The following GULP1 variants were observed in gnomAD, a reference collection of about 807,000 sequenced individuals.
GULP1 encodes GULP PTB domain containing engulfment adaptor 1, also known as PTB domain-containing engulfment adapter protein 1.
A neutral mutation model predicts 40.9 loss-of-function variants in GULP1; 19 were observed. That is an observed-to-expected ratio of 0.46 (90% CI 0.32 to 0.68). The LOEUF is 0.68. Ranked by LOEUF, GULP1 falls within the 30% of genes least tolerant of loss-of-function variation. The probability of loss-of-function intolerance (pLI) is 0.03; values close to 1 mark genes in which losing one functional copy is unlikely to be tolerated. For synonymous variants in GULP1, 119 were observed against 117.6 expected (o/e 1.01, Z -0.08); for missense variants, 312 against 362.2 (o/e 0.86, Z 1.12).
At chr2:188,319,167 A>G (rs1488585332) in intron 1 of GULP1, among the ~76,000 whole-genome samples, 1 of 152,208 alleles carries the variant, frequency 6.6e-6, no homozygotes, top group Non-Finnish European at 1.5e-5. Flanking sequence ...AAATGTTAAT[A>G]AGCTATAGCA....
At chr2:188,401,252 CTA>C (rs1235440926) in intron 2 of GULP1, among the ~76,000 whole-genome samples, 1 of 151,792 alleles carries the variant, frequency 6.6e-6, no homozygotes, top group Non-Finnish European at 1.5e-5. Flanking sequence ...TATGAAATAA[CTA>C]TTATAAAAAG....
At chr2:188,542,676 C>CACAAA (rs1690850453) in intron 7 of GULP1, among the ~76,000 whole-genome samples, 1 of 151,806 alleles carries the variant, frequency 6.6e-6, no homozygotes, top group Non-Finnish European at 1.5e-5. Flanking sequence ...CACAATAAGA[C>CACAAA]ATTTTATATA....
intron 2 of GULP1, among the ~76,000 whole-genome samples, chr2:188,421,275 G>A (rs751176560): frequency 7.9e-4 from 120 of 151,936 alleles, no homozygotes; most frequent in Non-Finnish European, 1.3e-3. Flanking sequence ...TTTCAAATTC[G>A]TCAACAATAA....
At chr2:188,343,741 T>TTCA (rs2043265590) in intron 1 of GULP1, among the ~76,000 whole-genome samples, 1 of 152,232 alleles carries the variant, frequency 6.6e-6, no homozygotes, top group Non-Finnish European at 1.5e-5. Flanking sequence ...GGGACACCTA[T>TTCA]ACTGTGATCT....
chr2:188,568,181 G>A lies in GULP1; in HGVS notation c.400-1058G>A, dbSNP rs544741492. 3.6e-3 allele frequency among the ~76,000 whole-genome samples: 547 copies of A among 152,080 alleles called. 5 individuals are homozygous for A. The highest frequency in any genetic ancestry group is 0.013 in the African/African-American group (524 of 41,526). On this transcript the variant is annotated intron_variant, in intron 7 of 11. Transcript: ENST00000409830. ...TAAATGATATAAGATGATTAACAAA[G>A]CATGTTTTCATTTTATGTTGATCAC...
intron 9 of GULP1, 46 bp downstream of exon 9, chr2:188,570,166 A>G (rs753123839): frequency 2.1e-5 from 17 of 794,014 alleles, no homozygotes; most frequent in Non-Finnish European, 2.6e-5. Context: ...ATGGTGATAA[A>G]ACATCTGTGT....
At chr2:188,388,821 G>A (rs2050137659) in intron 2 of GULP1, among the ~76,000 whole-genome samples, 1 of 152,138 alleles carries the variant, frequency 6.6e-6, no homozygotes, top group South Asian at 2.1e-4. Flanking sequence ...CACCATGAAA[G>A]CACAAGAGAA....
At chr2:188,557,084 T>A (rs898558008) in intron 7 of GULP1, among the ~76,000 whole-genome samples, 3 of 151,840 alleles carry the variant, frequency 2.0e-5, no homozygotes, top group Non-Finnish European at 2.9e-5. Context: ...CCAGGCTCCA[T>A]CTCCAACATT....
intron 1 of GULP1, among the ~76,000 whole-genome samples, chr2:188,352,514 C>T (rs1043902486): frequency 2.6e-5 from 4 of 151,670 alleles, no homozygotes; most frequent in African/African-American, 7.3e-5. Context: ...TCTTAGCTTC[C>T]GTCATTGCAT....
chr2:188,371,690 ATTAAG>A (rs1559161807), intron 1 of GULP1, among the ~76,000 whole-genome samples: 3 of 152,114 alleles, frequency 2.0e-5, no homozygotes, highest in African/African-American at 4.8e-5. Flanking sequence ...GAAATTAATA[ATTAAG>A]TTAAGCAAGC....
chr2:188,489,372 C>T (rs536000059), intron 4 of GULP1, among the ~76,000 whole-genome samples: 42 of 151,996 alleles, frequency 2.8e-4, no homozygotes, highest in African/African-American at 8.9e-4. Flanking sequence ...ATATAAGAAA[C>T]GTAAAGAGCT....
rs1220893008 is a variant in GULP1 at position 188,334,504 on chromosome 2, G to A, written c.-172+42338G>A. ...TAAAATCTCTGGGGGTGTGGTCCAT[G>A]TATAAGAGTTTTAAAACAAAGGAAG... On this transcript the variant is annotated intron_variant, in intron 1 of 11. Coordinates refer to ENST00000409830, the MANE Select transcript of GULP1 (RefSeq NM_016315.4). Among the ~76,000 whole-genome samples, 3 of 152,154 alleles carry A rather than the reference G, an allele frequency of 2.0e-5. No homozygotes were observed. The East Asian group carries it at 5.8e-4, about 29-fold the overall frequency.
intron 6 of GULP1, among the ~76,000 whole-genome samples, chr2:188,531,168 C>T (rs1483881584): frequency 6.6e-6 from 1 of 152,170 alleles, no homozygotes; most frequent in Non-Finnish European, 1.5e-5. Flanking sequence ...TAATGCCCCA[C>T]TACAGACCTA....
At chr2:188,487,721 A>G (rs2061985100) in intron 4 of GULP1, among the ~76,000 whole-genome samples, 1 of 152,002 alleles carries the variant, frequency 6.6e-6, no homozygotes, top group Non-Finnish European at 1.5e-5. Context: ...ACAACAAAAT[A>G]AAATACAAAT....
intron 2 of GULP1, among the ~76,000 whole-genome samples, chr2:188,395,050 T>C (rs1402980777): frequency 6.6e-6 from 1 of 152,192 alleles, no homozygotes; most frequent in African/African-American, 2.4e-5. Flanking sequence ...GGGTAGAAAC[T>C]GGGTGTGGCT....
intron 11 of GULP1, 195 bp downstream of exon 11, chr2:188,588,144 G>T: frequency 1.7e-6 from 1 of 579,186 alleles, no homozygotes; most frequent in Non-Finnish European, 3.1e-6. Flanking sequence ...TAAGGTTGTT[G>T]GTTTTTTAAA....
chr2:188,478,625 A>G (rs2061216911), intron 3 of GULP1, among the ~76,000 whole-genome samples: 1 of 152,150 alleles, frequency 6.6e-6, no homozygotes, highest in African/African-American at 2.4e-5. Context: ...CTATAAACTT[A>G]CTAAGATACT....
intron 4 of GULP1, among the ~76,000 whole-genome samples, chr2:188,505,726 G>A (rs910590652): frequency 6.6e-6 from 1 of 151,778 alleles, no homozygotes; most frequent in African/African-American, 2.4e-5. Context: ...GAAGTTAAAT[G>A]ATTTGCTGTA....
At chr2:188,579,307 G>A (rs1172694164) in intron 9 of GULP1, among the ~76,000 whole-genome samples, 4 of 152,034 alleles carry the variant, frequency 2.6e-5, no homozygotes, top group Non-Finnish European at 5.9e-5. Context: ...AAGTATGTGG[G>A]CCCACTTTCT....
Sources: gnomAD v4.1 joint callset for allele counts (sites outside exome capture counted in the v4.1 genomes callset) on GRCh38, gnomAD v4.1.1 for gene constraint, MANE v1.5 for transcripts, NCBI Gene and HGNC (gene_info 2026-07-23, HGNC 2026-07-21) for gene names.